CDH17: variants seen among roughly 807,000 people sequenced by gnomAD.
CDH17 encodes cadherin-17.
CDH17 carries 67 observed loss-of-function variants against 86.3 expected under a neutral mutation model. The ratio of observed to expected loss-of-function variants is 0.78; its 90% CI spans 0.64 to 0.95. The LOEUF is 0.95. CDH17 is among the 40% of genes least tolerant of loss of function. The pLI, the probability that CDH17 is intolerant of heterozygous loss-of-function variation, is 0.00. For synonymous variants in CDH17, 367 were observed against 366.4 expected (o/e 1.00, Z -0.02); for missense variants, 993 against 1,017.6 (o/e 0.98, Z 0.33).
At chr8:94,170,314 T>A (rs2130635652) in intron 9 of CDH17, 83 bp downstream of exon 9, 1 of 1,424,316 alleles carries the variant, frequency 7.0e-7, no homozygotes, top group East Asian at 2.3e-5. Flanking sequence ...TGACTCCCAG[T>A]AAGGTCTCCT....
At chr8:94,130,115 A>G (rs963747674) in intron 17 of CDH17, among the ~76,000 whole-genome samples, 1 of 152,222 alleles carries the variant, frequency 6.6e-6, no homozygotes, top group African/African-American at 2.4e-5. Flanking sequence ...GGCTGTGGTC[A>G]TGATGCAATG....
In CDH17 at chr8:94,170,559, A is replaced by T; in HGVS notation, c.916-12T>A. 6.2e-7 allele frequency: 1 copy of T among 1,613,202 alleles called. No individual in the cohort carries two copies. The highest frequency in any genetic ancestry group is 8.5e-7 in the Non-Finnish European group (1 of 1,179,482). ...GCATAAAAAACATACTACAACAGGA[A>T]AGTCAGAGTTAAGGCAAGACTCACC... is the stretch of plus-strand genomic sequence containing the variant. On this transcript the variant is annotated splice_polypyrimidine_tract_variant and intron_variant, in intron 8 of 17. Coordinates refer to ENST00000027335, the MANE Select transcript of CDH17 (RefSeq NM_004063.4).
Position 94,189,205 on chromosome 8 carries a change from C to T in CDH17, c.132G>A (p.Pro44=), listed in dbSNP as rs139448184. 1,492 of 1,612,582 alleles carry T rather than the reference C, an allele frequency of 9.3e-4. 38 individuals are homozygous for T. The South Asian group carries it at 0.015, about 16-fold the overall frequency. Residue 44 remains proline (P), a synonymous_variant, in exon 3 of 18, where the codon CCG becomes CCA. Transcript: ENST00000027335. The part of the protein sequence containing the change: ...MTFSIYEGQE[P]SQIIFQFKAN... ...CTTTTACCTGGAATATAATTTGACT[C>T]GGTTCTTGGCCTTCATAAATAGAAA...
chr8:94,160,614 T>C (rs1813033835), intron 11 of CDH17, among the ~76,000 whole-genome samples: 2 of 152,186 alleles, frequency 1.3e-5, no homozygotes. Flanking sequence ...TAGGCTTGCT[T>C]CTTATTAGTT....
intron 1 of CDH17, among the ~76,000 whole-genome samples, chr8:94,206,842 A>G (rs774496883): frequency 2.6e-5 from 4 of 151,878 alleles, no homozygotes; most frequent in Admixed American, 6.6e-5. Context: ...GGATCTCCCT[A>G]TGTTCAGACC....
chr8:94,186,157 C>T (rs1813574604), intron 3 of CDH17, among the ~76,000 whole-genome samples: 1 of 152,176 alleles, frequency 6.6e-6, no homozygotes, highest in Non-Finnish European at 1.5e-5. Context: ...CATATTAACA[C>T]TGTCTGAGAC....
chr8:94,169,009 CTG>C (rs1248095518), intron 9 of CDH17, among the ~76,000 whole-genome samples: 1 of 152,296 alleles, frequency 6.6e-6, no homozygotes, highest in East Asian at 1.9e-4. Flanking sequence ...CTCACAGAAA[CTG>C]TGACATGATA....
chr8:94,164,823 T>C (rs1167820521), intron 10 of CDH17, among the ~76,000 whole-genome samples: 1 of 152,168 alleles, frequency 6.6e-6, no homozygotes, highest in Non-Finnish European at 1.5e-5. Context: ...TCCAGGTATT[T>C]TGTGTGTCTG....
At chr8:94,204,374 C>G (rs1813983229) in intron 1 of CDH17, among the ~76,000 whole-genome samples, 2 of 152,110 alleles carry the variant, frequency 1.3e-5, no homozygotes, top group African/African-American at 2.4e-5. Context: ...TTAACTCCCC[C>G]TTATGAGTGA....
intron 2 of CDH17, among the ~76,000 whole-genome samples, chr8:94,193,707 G>A (rs545702918): frequency 6.6e-6 from 1 of 152,270 alleles, no homozygotes; most frequent in African/African-American, 2.4e-5. Context: ...CACAATCCTG[G>A]AGACAGGCTT....
chr8:94,216,699 A>G (rs1406345036), intron 1 of CDH17, among the ~76,000 whole-genome samples: 2 of 152,072 alleles, frequency 1.3e-5, no homozygotes, highest in Non-Finnish European at 2.9e-5. Context: ...CTTCTAAGTT[A>G]CCACTTTATA....
intron 13 of CDH17, among the ~76,000 whole-genome samples, chr8:94,150,955 T>C (rs1284404408): frequency 6.6e-6 from 1 of 152,230 alleles, no homozygotes; most frequent in Non-Finnish European, 1.5e-5. Flanking sequence ...AGGTGGTAAC[T>C]TTGCTTCTCA....
At position 94,214,575 on chromosome 8, in the gene CDH17, T is replaced by C. The variant is rs1267359731; in HGVS notation, c.-21+2623A>G. On this transcript the variant is annotated intron_variant, in intron 1 of 17. Transcript: ENST00000450165. The stretch of plus-strand genomic sequence containing the variant: ...AGAAGAAAGCAGGGGTAAATCTTTA[T>C]GGCCTTGGATTAGGAAATGATGTCT... 2.6e-5 allele frequency among the ~76,000 whole-genome samples: 4 copies of C among 152,122 alleles called. 1 individual carries two copies. Among genetic ancestry groups the C allele is most frequent in the Non-Finnish European group, 2.9e-5 (2 of 68,036 alleles).
At position 94,177,467 on chromosome 8, in the gene CDH17, T is replaced by G. The variant is rs1030168928; in HGVS notation, c.285+120A>C. ...CATGTGAGGATTGCAAAGCGTCCCA[T>G]TAATGTAAGGAAAGCTGTAACTGGA... On this transcript the variant is annotated intron_variant, in intron 4 of 17. Transcript: ENST00000027335. 11 of 1,021,742 alleles carry G rather than the reference T, an allele frequency of 1.1e-5. No homozygotes were observed. The Admixed American group carries it at 2.1e-4, about 19-fold the overall frequency. 63.3% of individuals were successfully genotyped at this position (1,021,742 alleles called of 1,614,324 possible). A position where few individuals can be genotyped will look rare whatever the true frequency, so the allele number is the denominator to read the frequency against.
At chr8:94,145,004 A>T (rs1812712832) in intron 15 of CDH17, among the ~76,000 whole-genome samples, 1 of 152,246 alleles carries the variant, frequency 6.6e-6, no homozygotes, top group South Asian at 2.1e-4. Flanking sequence ...GGCTGAGCAC[A>T]GCAAGTGCTG....
chr8:94,146,550 G>T (rs961285563), intron 14 of CDH17, among the ~76,000 whole-genome samples: 19 of 152,198 alleles, frequency 1.2e-4, no homozygotes, highest in Non-Finnish European at 2.6e-4. Context: ...TTCTTCAGCT[G>T]TGTGGCTTTG....
At chr8:94,201,974 C>A in intron 1 of CDH17, 2 of 232,376 alleles carry the variant, frequency 8.6e-6, no homozygotes, top group South Asian at 7.2e-5. Flanking sequence ...TTGCAGGTAG[C>A]CCTGGAGCTG....
chr8:94,139,809 A>C (rs1420145849), intron 15 of CDH17, among the ~76,000 whole-genome samples: 2 of 152,068 alleles, frequency 1.3e-5, no homozygotes, highest in African/African-American at 2.4e-5. Flanking sequence ...AGACTGAGGC[A>C]CAAGAATCAT....
At chr8:94,204,417 T>C (rs1407913814) in intron 1 of CDH17, among the ~76,000 whole-genome samples, 1 of 152,176 alleles carries the variant, frequency 6.6e-6, no homozygotes, top group Non-Finnish European at 1.5e-5. Context: ...TGTTCCTGTG[T>C]TAGTTTGCTG....
Sources: allele counts gnomAD v4.1 joint callset (sites outside exome capture counted in the v4.1 genomes callset), GRCh38; gene constraint gnomAD v4.1.1; transcripts MANE v1.5; gene names NCBI Gene and HGNC (gene_info 2026-07-23, HGNC 2026-07-21).